FPGS: variants seen among roughly 807,000 people sequenced by gnomAD.
FPGS encodes the protein folylpolyglutamate synthase, mitochondrial.
A neutral mutation model predicts 66.5 loss-of-function variants in FPGS; 53 were observed. The ratio of observed to expected loss-of-function variants is 0.80; its 90% confidence interval spans 0.64 to 1.00. The LOEUF (loss-of-function observed/expected upper bound fraction) is 1.00. Ranked by LOEUF, FPGS falls within the 50% of genes least tolerant of loss-of-function variation. The pLI is 0.00. For synonymous variants in FPGS, 348 were observed against 350.9 expected, an observed-to-expected ratio of 0.99 and a Z score of 0.09; for missense variants, 702 against 807.7, an observed-to-expected ratio of 0.87 and a Z score of 1.59.
At chr9:127,811,745 C>T (rs1830090164) in intron 14 of FPGS, among the ~76,000 whole-genome samples, 1 of 152,056 alleles carries the variant, frequency 6.6e-6, no homozygotes, top group Non-Finnish European at 1.5e-5. Context: ...CTCAGCCTCC[C>T]AAAGTGCTGG....
chr9:127,803,280 C>T, intron 1 of FPGS: 7 of 1,234,954 alleles, frequency 5.7e-6, no homozygotes, highest in Non-Finnish European at 7.1e-6. Flanking sequence ...TATAGCGTCC[C>T]CGCCCCGGGT....
Position 127,810,983 on chromosome 9 carries a change from G to T in FPGS, c.1326G>T (p.Leu442=). ...ACTATGCCGTCTTCTGCCCTAACCT[G>T]ACAGAGGTGTCATCCACAGGCAACG... ...QFDYAVFCPN[L]TEVSSTGNAD... Residue 442 remains leucine (L), a synonymous_variant, in exon 14 of 15, where the codon CTG becomes CTT. Transcript: ENST00000373247. 6.3e-7 allele frequency: 1 copy of T among 1,590,314 alleles called. No homozygotes were observed. Among genetic ancestry groups the T allele is most frequent in the Non-Finnish European group, 8.6e-7 (1 of 1,166,916 alleles).
Position 127,809,681 on chromosome 9 carries a change from C to G in FPGS, c.1061-3C>G, listed in dbSNP as rs573025005. 6.3e-7 allele frequency: 1 copy of G among 1,586,086 alleles called. No homozygotes were observed. Among genetic ancestry groups the G allele is most frequent in the Non-Finnish European group, 8.5e-7 (1 of 1,173,742 alleles). ...GGAGGACTGCCTTGCTGCCCTCCCC[C>G]AGGGCTTCGGAACACGGAGTGGCCG... On this transcript the variant is annotated splice_polypyrimidine_tract_variant and splice_region_variant and intron_variant, in intron 11 of 14. Transcript: ENST00000373247.
intron 4 of FPGS, chr9:127,804,959 G>C (rs1829753013): frequency 4.7e-6 from 2 of 428,376 alleles, no homozygotes; most frequent in East Asian, 8.9e-5. Flanking sequence ...CACGATCTTG[G>C]CTCACTGCAA....
Position 127,813,361 on chromosome 9 carries a change from C to G in FPGS, c.1521C>G (p.Pro507=). The G allele has an allele frequency of 1.9e-6, 3 of 1,612,660 alleles. No homozygotes were observed. The highest frequency in any genetic ancestry group is 2.5e-6 in the Non-Finnish European group (3 of 1,179,398). ...CCCTGCTTCTGGCGCCCCACCCACC[C>G]CACACCTGCAGTGCCAGCTCCCTCG... The part of the protein sequence containing the change: ...SASLLLAPHP[P]HTCSASSLVF... The change falls in exon 15 of 15, where the codon CCC becomes CCG. Residue 507 remains proline, a synonymous_variant. Transcript: ENST00000373247.
intron 14 of FPGS, 82 bp from the exon 15 acceptor site, chr9:127,813,113 C>G (rs1043405940): frequency 6.7e-7 from 1 of 1,495,810 alleles, no homozygotes; most frequent in Non-Finnish European, 8.9e-7. Flanking sequence ...AGCAGGTGCT[C>G]ACGGTGCACC....
chr9:127,804,787 AC>A, intron 4 of FPGS, 87 bp downstream of exon 4: 2 of 1,331,356 alleles, frequency 1.5e-6, no homozygotes, highest in Non-Finnish European at 2.2e-6. Context: ...GACCAGGGTC[AC>A]CCCCAGGAGG....
At chr9:127,809,640 G>C in intron 11 of FPGS, 44 bp from the exon 12 acceptor site, 1 of 1,544,290 alleles carries the variant, frequency 6.5e-7, no homozygotes, top group East Asian at 2.4e-5. Flanking sequence ...TTGAGGACGG[G>C]GGTGGGAGAG....
Position 127,803,135 on chromosome 9 carries a change from C to T in FPGS, c.138+73C>T, listed in dbSNP as rs1256797012. 6 of 1,274,506 alleles carry T rather than the reference C, an allele frequency of 4.7e-6. No homozygotes were observed. The Admixed American group carries it at 1.7e-4, about 36-fold the overall frequency. 78.9% of individuals were successfully genotyped at this position (1,274,506 alleles called of 1,614,324 possible). A position where few individuals can be genotyped will look rare whatever the true frequency, so the allele number is the denominator to read the frequency against. ...GGGCCTGCGCTGAGCCGCAGAACAT[C>T]CGGGCTCCGCTAGCCGAGAGGGTAT... On this transcript the variant is annotated intron_variant, in intron 1 of 14. Coordinates refer to ENST00000373247, the MANE Select transcript of FPGS (RefSeq NM_004957.6).
Position 127,811,413 on chromosome 9 carries a change from C to T in FPGS, c.1354+402C>T, listed in dbSNP as rs948843702. On this transcript the variant is annotated intron_variant, in intron 14 of 14. Transcript: ENST00000373247. ...AGGAGAATGGCGTGAACTCGGGAGG[C>T]GGAGCTGGCAGTGAGCCGAGATCGC... is the stretch of plus-strand genomic sequence containing the variant. 1.1e-4 allele frequency among the ~76,000 whole-genome samples: 17 copies of T among 151,414 alleles called. No homozygotes were observed. The South Asian group carries it at 1.3e-3, about 11-fold the overall frequency.
Position 127,810,988 on chromosome 9 carries a change from A to G in FPGS, c.1331A>G (p.Glu444Gly). The change falls in exon 14 of 15, where the codon GAG becomes GGG. Residue 444 changes from glutamate to glycine, a missense_variant. By Grantham distance (98) the Glu-to-Gly change is moderately conservative. This residue lies in a region of FPGS where 351 missense variants were observed against 363.7 expected (regional missense o/e 0.97). Coordinates refer to ENST00000373247, the MANE Select transcript of FPGS (RefSeq NM_004957.6). The stretch of plus-strand genomic sequence containing the variant: ...GCCGTCTTCTGCCCTAACCTGACAG[A>G]GGTGTCATCCACAGGCAACGCAGGT... The part of the protein sequence containing the change: ...DYAVFCPNLT[E>G]VSSTGNADQQ... 6.3e-7 allele frequency: 1 copy of G among 1,591,330 alleles called. No homozygotes were observed. Among genetic ancestry groups the G allele is most frequent in the Non-Finnish European group, 8.6e-7 (1 of 1,167,456 alleles).
In FPGS at chr9:127,810,074, C is replaced by A. The variant is rs1351582154; in HGVS notation, c.1255C>A (p.Arg419=). 1.9e-5 allele frequency: 30 copies of A among 1,605,704 alleles called. No homozygotes were observed. In the East Asian group the frequency reaches 6.3e-4, roughly 34 times the overall value. The change falls in exon 13 of 15, where the codon CGG becomes AGG. Residue 419 remains arginine, a synonymous_variant. Coordinates refer to ENST00000373247, the MANE Select transcript of FPGS (RefSeq NM_004957.6). The part of the protein sequence containing the change: ...RVLLFNATGD[R]DPAALLKLLQ... ...CTTGCTCTTCAATGCTACCGGGGAC[C>A]GGGACCCGGCGGCCCTGCTGAAGCT... is the stretch of plus-strand genomic sequence containing the variant.
Position 127,812,894 on chromosome 9 carries a change from G to C in FPGS, c.1355-301G>C, listed in dbSNP as rs1056370669. Among the ~76,000 whole-genome samples the C allele has an allele frequency of 2.6e-5, 4 of 152,194 alleles. No individual in the cohort carries two copies. In the South Asian group the frequency reaches 8.3e-4, roughly 31 times the overall value. Reference sequence around the variant, plus strand: ...CTCACCTGGTGATGGTCCCCAGCTGGATGTACATTTTATAGATGGAGACAA... The same window carrying C: ...CTCACCTGGTGATGGTCCCCAGCTGCATGTACATTTTATAGATGGAGACAA... On this transcript the variant is annotated intron_variant, in intron 14 of 14. Coordinates refer to ENST00000373247, the MANE Select transcript of FPGS (RefSeq NM_004957.6).
At chr9:127,812,031 T>C (rs1454260781) in intron 14 of FPGS, among the ~76,000 whole-genome samples, 1 of 152,058 alleles carries the variant, frequency 6.6e-6, no homozygotes, top group Non-Finnish European at 1.5e-5. Context: ...CCCAGCACTT[T>C]GGCAGGAGGA....
intron 4 of FPGS, chr9:127,804,928 G>A (rs1829751636): frequency 1.8e-5 from 9 of 505,434 alleles, no homozygotes; most frequent in East Asian, 6.9e-5. Flanking sequence ...TCACTCTATC[G>A]CCCAGGCTGG....
chr9:127,807,180 C>G lies in FPGS; in HGVS notation c.502-29C>G, dbSNP rs760472290. The G allele has an allele frequency of 3.1e-6, 5 of 1,613,686 alleles. No homozygotes were observed. The South Asian group carries it at 5.5e-5, about 18-fold the overall frequency. On this transcript the variant is annotated intron_variant, in intron 5 of 14. Coordinates refer to ENST00000373247, the MANE Select transcript of FPGS (RefSeq NM_004957.6). The surrounding 1 kb of genome is among the most constrained non-coding windows in gnomAD (Gnocchi z 5.8). ...CCCCAGAGAAGGGGCTGCATGGGCT[C>G]TGGGCCCTGACATGTCCCTGTGCCA...
In FPGS at chr9:127,804,251, C is replaced by T. The variant is rs759255094; in HGVS notation, c.139-34C>T. ...TCTGTGCCTGTGGACCCTGAGTGAGCCTTAACCTACTATCTGGGCACTGTG... is the reference window on the plus strand; with the variant it reads ...TCTGTGCCTGTGGACCCTGAGTGAGTCTTAACCTACTATCTGGGCACTGTG... On this transcript the variant is annotated intron_variant, in intron 1 of 14. Transcript: ENST00000373247. 1.0e-5 allele frequency: 16 copies of T among 1,607,492 alleles called. 1 individual carries two copies. In the South Asian group the frequency reaches 1.8e-4, roughly 18 times the overall value.
intron 13 of FPGS, 27 bp downstream of exon 13, chr9:127,810,133 G>A (rs1830011287): frequency 1.2e-6 from 2 of 1,602,162 alleles, no homozygotes; most frequent in Non-Finnish European, 1.7e-6. Context: ...GGGGTGGGCG[G>A]CAGGCAGTCC....
intron 11 of FPGS, among the ~76,000 whole-genome samples, chr9:127,809,426 G>A (rs949773721): frequency 2.6e-5 from 4 of 152,160 alleles, no homozygotes; most frequent in African/African-American, 9.7e-5. Flanking sequence ...ATCACATCCC[G>A]GCCCCAGCTA....
Sources: gnomAD v4.1 joint callset for allele counts (sites outside exome capture counted in the v4.1 genomes callset) on GRCh38, gnomAD v4.1.1 for gene constraint, gnomAD v4.1.1 regional missense constraint, Gnocchi (gnomAD v3.1) non-coding constraint, MANE v1.5 for transcripts, NCBI Gene and HGNC (gene_info 2026-07-23, HGNC 2026-07-21) for gene names.